The following TC2N variants were observed in gnomAD, a reference collection of about 807,000 sequenced individuals.
The protein encoded by TC2N is tandem C2 domains nuclear protein.
Under a neutral mutation model 61.9 loss-of-function variants are expected in TC2N, and 51 were observed. The ratio of observed to expected loss-of-function variants is 0.82; its 90% CI spans 0.66 to 1.04. The LOEUF is 1.04. Among genes scored for constraint, TC2N ranks in the 50% least tolerant of loss-of-function variants. The pLI is 0.00. For missense variants in TC2N, 556 were observed against 566.7 expected (o/e 0.98, Z 0.19); for synonymous variants, 204 against 192.6 (o/e 1.06, Z -0.49).
chr14:91,865,927 T>C (rs1888692041), intron 1 of TC2N, among the ~76,000 whole-genome samples: 3 of 152,240 alleles, frequency 2.0e-5, no homozygotes. Flanking sequence ...TTTTAATAAC[T>C]TTTAAAGTTA....
At chr14:91,823,633 A>C (rs1039631655) in intron 1 of TC2N, among the ~76,000 whole-genome samples, 4 of 152,076 alleles carry the variant, frequency 2.6e-5, no homozygotes, top group Non-Finnish European at 5.9e-5. Flanking sequence ...CCAAACCCTA[A>C]GCTTCACAAC....
Position 91,797,849 on chromosome 14 carries a change from AT to A in TC2N, c.790del (p.Ile264Ter). On this transcript the variant is annotated frameshift_variant, in exon 8 of 12. Coordinates refer to ENST00000435962, the MANE Select transcript of TC2N (RefSeq NM_001128596.3). LOFTEE classifies it high-confidence loss of function. Reference sequence around the variant, plus strand: ...TTTGGGCAATGTAAGTATTCCTTTTATAGAAACAGTAGGAGTGTCTCCATAA... The same window carrying A: ...TTTGGGCAATGTAAGTATTCCTTTTAAGAAACAGTAGGAGTGTCTCCATAA... ...SSYGDTPTVS[I>X]KGILTLPKPV... 6.2e-7 allele frequency: 1 copy of A among 1,611,456 alleles called. No homozygotes were observed.
At chr14:91,825,249 G>T (rs1887447051) in intron 1 of TC2N, among the ~76,000 whole-genome samples, 1 of 151,846 alleles carries the variant, frequency 6.6e-6, no homozygotes, top group Non-Finnish European at 1.5e-5. Context: ...GGCCAGGTTG[G>T]TCTTGAACTC....
intron 2 of TC2N, among the ~76,000 whole-genome samples, chr14:91,813,394 A>T (rs1886866028): frequency 6.6e-6 from 1 of 151,600 alleles, no homozygotes; most frequent in Non-Finnish European, 1.5e-5. Context: ...TATTTCATCC[A>T]CCTGTAATGC....
chr14:91,822,368 A>G (rs547744543), intron 1 of TC2N, among the ~76,000 whole-genome samples: 7 of 152,342 alleles, frequency 4.6e-5, no homozygotes, highest in African/African-American at 1.4e-4. Context: ...CAAAATAATT[A>G]TGCTGGGCAA....
chr14:91,850,520 A>T (rs540718064), intron 1 of TC2N, among the ~76,000 whole-genome samples: 7 of 152,322 alleles, frequency 4.6e-5, no homozygotes, highest in African/African-American at 1.7e-4. Flanking sequence ...CCCATCACTC[A>T]TATTACCACC....
At chr14:91,809,623 CT>C (rs1886677751) in intron 3 of TC2N, among the ~76,000 whole-genome samples, 2 of 152,074 alleles carry the variant, frequency 1.3e-5, no homozygotes, top group Admixed American at 6.5e-5. Flanking sequence ...TTTTTAATGA[CT>C]TTTAGCCTGA....
chr14:91,809,780 C>T (rs755751143), intron 3 of TC2N, among the ~76,000 whole-genome samples: 6 of 152,142 alleles, frequency 3.9e-5, no homozygotes, highest in East Asian at 1.9e-4. Flanking sequence ...AGGAGAGATT[C>T]CCAAATTCTG....
In TC2N at chr14:91,812,339, T is replaced by C; in HGVS notation, c.274A>G (p.Thr92Ala). Residue 92 changes from threonine (T) to alanine (A), a missense_variant, in exon 3 of 12, where the codon ACT becomes GCT. Transcript: ENST00000435962. Reference sequence around the variant, plus strand: ...TCAAGTTCTTCCAGATGTGAAGGAGTTTCTTGTGTCCTGGGTTGAATGTAA... The same window carrying C: ...TCAAGTTCTTCCAGATGTGAAGGAGCTTCTTGTGTCCTGGGTTGAATGTAA... Reference protein sequence around the residue: ...LSYIQPRTQETPSHLEELEGS... With the variant: ...LSYIQPRTQEAPSHLEELEGS... The C allele has an allele frequency of 1.9e-6, 3 of 1,603,812 alleles. No homozygotes were observed. The highest frequency in any genetic ancestry group is 1.1e-5 in the South Asian group (1 of 89,264).
chr14:91,854,039 G>A (rs1888430381), intron 1 of TC2N, among the ~76,000 whole-genome samples: 2 of 152,072 alleles, frequency 1.3e-5, no homozygotes, highest in African/African-American at 4.8e-5. Context: ...TTAAAAATAG[G>A]TTAGAAGTCT....
chr14:91,854,084 T>G (rs1020836274), intron 1 of TC2N, among the ~76,000 whole-genome samples: 1 of 152,140 alleles, frequency 6.6e-6, no homozygotes, highest in South Asian at 2.1e-4. Flanking sequence ...GGAACCAAAC[T>G]TCAGCTCTAG....
At position 91,840,385 on chromosome 14, in the gene TC2N, A is replaced by G. The variant is rs181382203; in HGVS notation, c.-56-26560T>C. Among the ~76,000 whole-genome samples, 12 of 152,326 alleles carry G rather than the reference A, an allele frequency of 7.9e-5. No individual in the cohort carries two copies. In the East Asian group the frequency reaches 2.3e-3, roughly 29 times the overall value. On this transcript the variant is annotated intron_variant, in intron 1 of 11. Coordinates refer to ENST00000435962, the MANE Select transcript of TC2N (RefSeq NM_001128596.3). Reference sequence around the variant, plus strand: ...CATTCTATGGGAGACATAGAACATGAAAATTTATCAAAGAGCTTATTAAGG... The same window carrying G: ...CATTCTATGGGAGACATAGAACATGGAAATTTATCAAAGAGCTTATTAAGG...
At chr14:91,811,985 G>C (rs987727882) in intron 3 of TC2N, 1 of 166,880 alleles carries the variant, frequency 6.0e-6, no homozygotes, top group African/African-American at 2.4e-5. Context: ...GTTCAGTACA[G>C]ATGCAATCAT....
intron 1 of TC2N, among the ~76,000 whole-genome samples, chr14:91,845,407 T>C (rs1208427118): frequency 4.6e-5 from 7 of 152,196 alleles, no homozygotes; most frequent in African/African-American, 1.4e-4. Flanking sequence ...CCCAAAGCTA[T>C]GTGTGACTCT....
chr14:91,813,667 C>T, intron 2 of TC2N, 36 bp downstream of exon 2: 1 of 1,413,732 alleles, frequency 7.1e-7, no homozygotes. Context: ...GAAGAAGATG[C>T]TACATAAATG....
At chr14:91,800,522 C>G (rs749530287) in intron 4 of TC2N, 150 bp from the exon 5 acceptor site, 4 of 425,000 alleles carry the variant, frequency 9.4e-6, no homozygotes, top group Non-Finnish European at 1.7e-5. Flanking sequence ...ATTTTTTAAA[C>G]TTAAAAAAAT....
rs144424748 is a variant in TC2N, at chr14:91,815,142, T to C, written c.-56-1317A>G. On this transcript the variant is annotated intron_variant, in intron 1 of 11. Transcript: ENST00000435962. ...GTATCTTAAAGGAAAGTTTATTCAT[T>C]ATTATACTCTAATAAATACACATAT... Among the ~76,000 whole-genome samples, 7 of 151,752 alleles carry C rather than the reference T, an allele frequency of 4.6e-5. No individual in the cohort carries two copies. In the East Asian group the frequency reaches 1.4e-3, roughly 29 times the overall value.
At chr14:91,847,173 G>T (rs2139914994) in intron 1 of TC2N, among the ~76,000 whole-genome samples, 1 of 151,726 alleles carries the variant, frequency 6.6e-6, no homozygotes, top group South Asian at 2.1e-4. Flanking sequence ...TAGGAGAATT[G>T]CTTGAACCCG....
chr14:91,809,401 C>CT (rs1157143019), intron 3 of TC2N, among the ~76,000 whole-genome samples: 1 of 152,086 alleles, frequency 6.6e-6, no homozygotes, highest in Non-Finnish European at 1.5e-5. Flanking sequence ...GAGTGAGACT[C>CT]TGTCTCAAAA....
Sources: allele counts gnomAD v4.1 joint callset (sites outside exome capture counted in the v4.1 genomes callset), GRCh38; gene constraint gnomAD v4.1.1; transcripts MANE v1.5; gene names NCBI Gene and HGNC (gene_info 2026-07-23, HGNC 2026-07-21).